Variants in ADGRL2 observed in about 807,000 individuals in gnomAD.
ADGRL2 encodes adhesion G protein-coupled receptor L2.
ADGRL2 carries 44 observed loss-of-function variants against 157.4 expected under a neutral mutation model. The observed-to-expected ratio is 0.28, with a 90% confidence interval of 0.22 to 0.36. The LOEUF is 0.36. Ranked by LOEUF, ADGRL2 falls within the 10% of genes least tolerant of loss-of-function variation. The pLI is 1.00. For missense variants in ADGRL2, 1,510 were observed against 1,768.9 expected, an observed-to-expected ratio of 0.85 and a Z score of 2.63; for synonymous variants, 585 against 624.7, an observed-to-expected ratio of 0.94 and a Z score of 0.95.
At chr1:81,953,116 T>G (rs925372154) in intron 10 of ADGRL2, 91 bp downstream of exon 10, 21 of 1,096,972 alleles carry the variant, frequency 1.9e-5, no homozygotes, top group African/African-American at 3.1e-5. Flanking sequence ...TGTATTTCAG[T>G]CTTTGATAAT....
At chr1:81,730,659 G>A (rs1320367294) in intron 1 of ADGRL2, among the ~76,000 whole-genome samples, 1 of 151,924 alleles carries the variant, frequency 6.6e-6, no homozygotes, top group East Asian at 1.9e-4. Context: ...GGAGGCAGAA[G>A]CTGCAGTGAA....
At chr1:81,697,775 GT>G (rs559146495), upstream of ADGRL2, among the ~76,000 whole-genome samples, 392 of 152,268 alleles carry the variant, frequency 2.6e-3, 9 homozygotes, top group Admixed American at 0.023. Context: ...AGATTTAGAT[GT>G]TTTTAGATGT....
intron 2 of ADGRL2, among the ~76,000 whole-genome samples, chr1:81,489,236 C>CAAAAAAAA (rs35819907): frequency 6.9e-6 from 1 of 143,902 alleles, no homozygotes. Context: ...GACTCTGTCT[C>CAAAAAAAA]AAAAAAAAAA....
intron 2 of ADGRL2, among the ~76,000 whole-genome samples, chr1:81,492,082 G>A: frequency 6.6e-6 from 1 of 152,096 alleles, no homozygotes. Flanking sequence ...TTTTAATTTT[G>A]TTTAAAAAGG....
chr1:81,812,490 A>G (rs1232168185), intron 1 of ADGRL2, among the ~76,000 whole-genome samples: 1 of 151,726 alleles, frequency 6.6e-6, no homozygotes, highest in African/African-American at 2.4e-5. Context: ...ATTAAAAATA[A>G]CTTAAAATAT....
chr1:81,874,854 C>T (rs1038753005), intron 2 of ADGRL2, among the ~76,000 whole-genome samples: 1 of 151,994 alleles, frequency 6.6e-6, no homozygotes, highest in Non-Finnish European at 1.5e-5. Flanking sequence ...TATAGGCACA[C>T]ACCACTGTGC....
intron 2 of ADGRL2, among the ~76,000 whole-genome samples, chr1:81,452,753 C>T (rs906566924): frequency 2.0e-5 from 3 of 152,076 alleles, no homozygotes; most frequent in South Asian, 2.1e-4. Context: ...ATTGGAAAAC[C>T]GCTGAGTATA....
At position 81,993,048 on chromosome 1, in the gene ADGRL2, A is replaced by C. The variant is rs1450919195; in HGVS notation, c.*1903A>C. Among the ~76,000 whole-genome samples, 1 of 120,888 alleles carries C rather than the reference A, an allele frequency of 8.3e-6. No homozygotes were observed. The highest frequency in any genetic ancestry group is 3.4e-5 in the African/African-American group (1 of 29,506). 79.3% of individuals were successfully genotyped at this position (120,888 alleles called of 152,430 possible). A position where few individuals can be genotyped will look rare whatever the true frequency, so the allele number is the denominator to read the frequency against. Reference sequence around the variant, plus strand: ...TGAGATTTAAAAATTAAGTGCATATATATAATATACATATATATATATATA... The same window carrying C: ...TGAGATTTAAAAATTAAGTGCATATCTATAATATACATATATATATATATA... On this transcript the variant is annotated 3_prime_UTR_variant, in exon 24 of 24. Coordinates refer to ENST00000686636, the MANE Select transcript of ADGRL2 (RefSeq NM_001366006.2).
intron 1 of ADGRL2, among the ~76,000 whole-genome samples, chr1:81,714,561 T>A (rs2084044565): frequency 6.6e-6 from 1 of 152,214 alleles, no homozygotes; most frequent in East Asian, 1.9e-4. Context: ...GCATCATTTT[T>A]GATACATTTT....
intron 3 of ADGRL2, among the ~76,000 whole-genome samples, chr1:81,913,775 A>G (rs1476667453): frequency 6.6e-6 from 1 of 152,132 alleles, no homozygotes; most frequent in East Asian, 1.9e-4. Flanking sequence ...AAGCCTTTAG[A>G]ACAAGGTTGG....
chr1:81,506,222 C>T (rs1359290791), intron 2 of ADGRL2: 3 of 152,444 alleles, frequency 2.0e-5, no homozygotes, highest in Non-Finnish European at 4.4e-5. Context: ...ATATTAAGAA[C>T]TTGGAGGAAA....
rs956088440 is a variant in ADGRL2 at position 81,700,417 on chromosome 1, G to C, written c.-143+609G>C. Among the ~76,000 whole-genome samples, 3 of 152,290 alleles carry C rather than the reference G, an allele frequency of 2.0e-5. No homozygotes were observed. In the East Asian group the frequency reaches 5.8e-4, roughly 29 times the overall value. On this transcript the variant is annotated intron_variant, in intron 1 of 20. Coordinates refer to the ADGRL2 transcript ENST00000359929. ...TCGAATCTAGCAGTCATTGCTGCTTGTTTCTTTCCTAATCTCCCTGATTTT... is the reference window on the plus strand; with the variant it reads ...TCGAATCTAGCAGTCATTGCTGCTTCTTTCTTTCCTAATCTCCCTGATTTT...
intron 1 of ADGRL2, among the ~76,000 whole-genome samples, chr1:81,720,545 T>C (rs1174332869): frequency 6.6e-6 from 1 of 152,138 alleles, no homozygotes; most frequent in African/African-American, 2.4e-5. Flanking sequence ...TTAAACTGTT[T>C]CTTCTGACCA....
At chr1:81,627,613 G>T (rs1386380828) in intron 3 of ADGRL2, among the ~76,000 whole-genome samples, 1 of 152,150 alleles carries the variant, frequency 6.6e-6, no homozygotes, top group Non-Finnish European at 1.5e-5. Context: ...GGCTCAGAAA[G>T]ATTAAATATA....
intron 1 of ADGRL2, among the ~76,000 whole-genome samples, chr1:81,714,680 C>T (rs1393052411): frequency 1.3e-5 from 2 of 152,072 alleles, no homozygotes; most frequent in African/African-American, 2.4e-5. Flanking sequence ...TTACTATGTG[C>T]TGAAATATTA....
At chr1:81,755,532 A>G (rs2085658146) in intron 1 of ADGRL2, among the ~76,000 whole-genome samples, 1 of 151,498 alleles carries the variant, frequency 6.6e-6, no homozygotes. Context: ...CATGTGTTTT[A>G]CCTAAACTTG....
At chr1:81,741,491 A>C (rs1248576965) in intron 1 of ADGRL2, among the ~76,000 whole-genome samples, 2 of 152,212 alleles carry the variant, frequency 1.3e-5, no homozygotes, top group East Asian at 1.9e-4. Context: ...AATTTCGTAG[A>C]GTATTACCTT....
chr1:81,862,839 C>G (rs2093428883), intron 2 of ADGRL2, among the ~76,000 whole-genome samples: 1 of 152,054 alleles, frequency 6.6e-6, no homozygotes, highest in Non-Finnish European at 1.5e-5. Flanking sequence ...GTGAATGATT[C>G]CTACCCCATT....
intron 1 of ADGRL2, among the ~76,000 whole-genome samples, chr1:81,333,358 T>C (rs1661400053): frequency 6.6e-6 from 1 of 152,146 alleles, no homozygotes; most frequent in African/African-American, 2.4e-5. Flanking sequence ...CATAGCCCTT[T>C]AGCTGCATTT....
Sources: gnomAD v4.1 joint callset for allele counts (sites outside exome capture counted in the v4.1 genomes callset) on GRCh38, gnomAD v4.1.1 for gene constraint, MANE v1.5 for transcripts, NCBI Gene and HGNC (gene_info 2026-07-23, HGNC 2026-07-21) for gene names.